AOAH: variants seen among roughly 807,000 people sequenced by gnomAD.
The protein encoded by AOAH is acyloxyacyl hydrolase.
AOAH carries 64 observed loss-of-function variants against 92.2 expected under a neutral mutation model. The observed-to-expected ratio is 0.69, with a 90% CI of 0.57 to 0.86. The LOEUF is 0.86. AOAH is among the 40% of genes least tolerant of loss of function. AOAH has a pLI of 0.00. For missense variants in AOAH, 656 were observed against 694.6 expected, an observed-to-expected ratio of 0.94 and a Z score of 0.62; for synonymous variants, 263 against 254.5, an observed-to-expected ratio of 1.03 and a Z score of -0.32.
chr7:36,608,118 T>G (rs1313659000), intron 11 of AOAH, among the ~76,000 whole-genome samples: 1 of 152,248 alleles, frequency 6.6e-6, no homozygotes, highest in East Asian at 1.9e-4. Flanking sequence ...GCCCACGCTC[T>G]TTCTGTCCTG....
chr7:36,532,144 T>C lies in AOAH; in HGVS notation c.1425+3A>G, dbSNP rs745322754. ...GGTATCAAAAGGCCTGTGACAGTCA[T>C]ACCTCTGAAGTGAGAGTCCGCAACG... On this transcript the variant is annotated splice_donor_region_variant and intron_variant, in intron 18 of 20. Transcript: ENST00000617537. The C allele has an allele frequency of 2.4e-5, 39 of 1,614,052 alleles. No homozygotes were observed. The highest frequency in any genetic ancestry group is 1.6e-4 in the Middle Eastern group (1 of 6,084).
chr7:36,546,626 G>C (rs369910609), intron 15 of AOAH, among the ~76,000 whole-genome samples: 7 of 152,206 alleles, frequency 4.6e-5, no homozygotes, highest in African/African-American at 1.4e-4. Context: ...AGGTTTTGCT[G>C]GAAAAGTACA....
chr7:36,653,545 C>G (rs757870918), intron 4 of AOAH, among the ~76,000 whole-genome samples: 3 of 152,174 alleles, frequency 2.0e-5, no homozygotes, highest in African/African-American at 2.4e-5. Context: ...CACCCTCCCC[C>G]ACACTCAGCA....
chr7:36,692,799 G>A (rs1242237201), intron 1 of AOAH, among the ~76,000 whole-genome samples: 1 of 152,132 alleles, frequency 6.6e-6, no homozygotes, highest in Non-Finnish European at 1.5e-5. Flanking sequence ...GACAGGTGGG[G>A]CAAACTGATA....
At chr7:36,668,182 A>C (rs994384145) in intron 3 of AOAH, among the ~76,000 whole-genome samples, 2 of 150,924 alleles carry the variant, frequency 1.3e-5, no homozygotes, top group Non-Finnish European at 3.0e-5. Flanking sequence ...CATCAGAAAC[A>C]TGAGAGGTTT....
intron 1 of AOAH, among the ~76,000 whole-genome samples, chr7:36,710,243 G>T (rs1798676473): frequency 6.6e-6 from 1 of 152,054 alleles, no homozygotes; most frequent in African/African-American, 2.4e-5. Context: ...TTTATTTTGG[G>T]GTAATCAAGA....
At chr7:36,601,853 C>T (rs1203983844) in intron 11 of AOAH, among the ~76,000 whole-genome samples, 1 of 152,182 alleles carries the variant, frequency 6.6e-6, no homozygotes, top group African/African-American at 2.4e-5. Context: ...GTATTGCTAA[C>T]ACCGCATGCA....
intron 1 of AOAH, among the ~76,000 whole-genome samples, chr7:36,699,017 A>ATT (rs70977180): frequency 0.6 from 89,518 of 150,392 alleles, 26,973 homozygotes; most frequent in East Asian, 0.83. Flanking sequence ...TATGAGATCC[A>ATT]TTTTTTTTTA....
At chr7:36,678,210 A>C (rs1375178346) in intron 2 of AOAH, among the ~76,000 whole-genome samples, 1 of 152,332 alleles carries the variant, frequency 6.6e-6, no homozygotes, top group Admixed American at 6.5e-5. Flanking sequence ...CTGATGTCAC[A>C]GTATACTCAG....
Position 36,686,793 on chromosome 7 carries a change from C to T in AOAH, c.129G>A (p.Gly43=). 6.5e-7 allele frequency: 1 copy of T among 1,547,336 alleles called. No homozygotes were observed. The highest frequency in any genetic ancestry group is 1.2e-5 in the South Asian group (1 of 81,272). The stretch of plus-strand genomic sequence containing the variant: ...CTATTACAGACACCACCAGCACACA[C>T]CCTGCCAGGGAGGAGAAGAACATGT... ...PSLSNGHTCV[G]CVLVVSVIEQ... The change falls in exon 2 of 21, where the codon GGG becomes GGA. Residue 43 remains glycine, a splice_region_variant and synonymous_variant. Coordinates refer to ENST00000617537, the MANE Select transcript of AOAH (RefSeq NM_001637.4).
chr7:36,720,735 A>G (rs140771475), intron 1 of AOAH, among the ~76,000 whole-genome samples: 5 of 152,276 alleles, frequency 3.3e-5, no homozygotes, highest in Non-Finnish European at 7.3e-5. Context: ...TCTAAACTGG[A>G]CAGTGAATTT....
At chr7:36,673,618 G>A (rs1320660551) in intron 3 of AOAH, among the ~76,000 whole-genome samples, 4 of 152,308 alleles carry the variant, frequency 2.6e-5, no homozygotes, top group Non-Finnish European at 4.4e-5. Context: ...GCTGGGAGTA[G>A]GGAGGCGGAG....
chr7:36,639,861 T>C (rs1239613488), intron 4 of AOAH, among the ~76,000 whole-genome samples: 1 of 152,170 alleles, frequency 6.6e-6, no homozygotes, highest in Non-Finnish European at 1.5e-5. Context: ...CTCGAGCAAG[T>C]ACAGTAAACA....
chr7:36,515,520 A>ACACACAAACAC (rs1330753390), intron 20 of AOAH, among the ~76,000 whole-genome samples: 2 of 96,866 alleles, frequency 2.1e-5, no homozygotes, highest in Admixed American at 2.4e-4. Context: ...CCCAAACACC[A>ACACACAAACAC]CACACACCAC....
intron 16 of AOAH, among the ~76,000 whole-genome samples, chr7:36,535,720 C>T (rs543427013): frequency 2.0e-5 from 3 of 148,626 alleles, no homozygotes; most frequent in South Asian, 2.2e-4. Flanking sequence ...GTGCTGAGTT[C>T]GCTAGCGGAG....
intron 4 of AOAH, among the ~76,000 whole-genome samples, chr7:36,650,862 G>A (rs989536121): frequency 3.9e-5 from 6 of 152,306 alleles, no homozygotes; most frequent in East Asian, 1.9e-4. Context: ...GTGTTCAGAC[G>A]GTATCAAAGA....
intron 6 of AOAH, among the ~76,000 whole-genome samples, chr7:36,625,308 T>C (rs1300812448): frequency 6.6e-6 from 1 of 152,186 alleles, no homozygotes; most frequent in Non-Finnish European, 1.5e-5. Flanking sequence ...TGGAGTCAGT[T>C]GGAGTCACTG....
At chr7:36,668,426 T>C (rs1047324249) in intron 3 of AOAH, among the ~76,000 whole-genome samples, 1 of 152,232 alleles carries the variant, frequency 6.6e-6, no homozygotes, top group African/African-American at 2.4e-5. Flanking sequence ...ATTCTCTGTA[T>C]CCACCTGTTT....
chr7:36,630,069 G>C (rs1327350115), intron 6 of AOAH, among the ~76,000 whole-genome samples: 1 of 152,182 alleles, frequency 6.6e-6, no homozygotes, highest in East Asian at 1.9e-4. Context: ...GAGCGATGCA[G>C]CTGCAAGGCA....
Sources: allele counts gnomAD v4.1 joint callset (sites outside exome capture counted in the v4.1 genomes callset), GRCh38; gene constraint gnomAD v4.1.1; transcripts MANE v1.5; gene names NCBI Gene and HGNC (gene_info 2026-07-23, HGNC 2026-07-21).